The following DOCK3 variants were observed in gnomAD, a reference collection of about 807,000 sequenced individuals.
DOCK3 encodes the protein dedicator of cytokinesis protein 3.
Under a neutral mutation model 265.6 loss-of-function variants are expected in DOCK3, and 60 were observed. That is an observed-to-expected ratio of 0.23 (90% CI 0.18 to 0.28). The LOEUF is 0.28. Among genes scored for constraint, DOCK3 ranks in the 10% least tolerant of loss-of-function variants. The probability of loss-of-function intolerance (pLI) is 1.00; values close to 1 mark genes in which losing one functional copy is unlikely to be tolerated. For missense variants in DOCK3, 1,981 were observed against 2,594.3 expected, an observed-to-expected ratio of 0.76 and a Z score of 5.14; for synonymous variants, 881 against 938.0, an observed-to-expected ratio of 0.94 and a Z score of 1.11.
intron 9 of DOCK3, among the ~76,000 whole-genome samples, chr3:51,090,671 C>T (rs1328462446): frequency 6.6e-6 from 1 of 152,038 alleles, no homozygotes. Context: ...TTTAATACCA[C>T]AAAAAAGGCA....
chr3:51,343,249 C>T lies in DOCK3; in HGVS notation c.3915+1864C>T, dbSNP rs145184629. ...GTGAGTTTCTAGCTCTCAACACTGC[C>T]AGCACACCCTGCCTCACAAGGCAAG... On this transcript the variant is annotated intron_variant, in intron 38 of 52. Transcript: ENST00000266037. 3.3e-5 allele frequency among the ~76,000 whole-genome samples: 5 copies of T among 152,260 alleles called. No homozygotes were observed. In the East Asian group the frequency reaches 7.7e-4, roughly 23 times the overall value.
At chr3:51,149,199 A>G (rs927459247) in intron 10 of DOCK3, among the ~76,000 whole-genome samples, 7 of 152,140 alleles carry the variant, frequency 4.6e-5, no homozygotes, top group Admixed American at 3.9e-4. Flanking sequence ...TGTGTCCTGA[A>G]ACTTTGCTGA....
Position 51,064,535 on chromosome 3 carries a change from A to G in DOCK3, c.403A>G (p.Thr135Ala), listed in dbSNP as rs2081524394. ...AAGGCAGCTACTGTCTGGTCACCTGACTCAGGATCAGGTGCGGGAGGTTAA... is the reference window on the plus strand; with the variant it reads ...AAGGCAGCTACTGTCTGGTCACCTGGCTCAGGATCAGGTGCGGGAGGTTAA... Reference protein sequence around the residue: ...LRRQLLSGHLTQDQVREVKRH... With the variant: ...LRRQLLSGHLAQDQVREVKRH... The change falls in exon 6 of 53, where the codon ACT becomes GCT. Residue 135 changes from threonine (T) to alanine (A), a missense_variant. Around this residue, in one of 4 missense-constraint regions of DOCK3, gnomAD observed 456 missense variants for 539.0 expected, o/e 0.85. Coordinates refer to ENST00000266037, the MANE Select transcript of DOCK3 (RefSeq NM_004947.5). 7 of 1,613,794 alleles carry G rather than the reference A, an allele frequency of 4.3e-6. No individual in the cohort carries two copies. In the Admixed American group the frequency reaches 1.2e-4, roughly 27 times the overall value.
At chr3:51,102,573 A>G (rs1404897543) in intron 9 of DOCK3, among the ~76,000 whole-genome samples, 1 of 152,242 alleles carries the variant, frequency 6.6e-6, no homozygotes, top group Non-Finnish European at 1.5e-5. Flanking sequence ...CTTGCTGTCC[A>G]TGGAGTAAGC....
chr3:51,136,808 T>G (rs2084827754), intron 9 of DOCK3, among the ~76,000 whole-genome samples: 1 of 152,162 alleles, frequency 6.6e-6, no homozygotes, highest in Admixed American at 6.6e-5. Flanking sequence ...GGAGAACTGG[T>G]GGTCAGAGTG....
chr3:51,322,428 C>G (rs2083796023), intron 32 of DOCK3, among the ~76,000 whole-genome samples: 1 of 152,166 alleles, frequency 6.6e-6, no homozygotes, highest in African/African-American at 2.4e-5. Context: ...TGGTCTCAAT[C>G]TCCTGACCTC....
At chr3:51,220,582 G>A (rs932064771) in intron 14 of DOCK3, among the ~76,000 whole-genome samples, 7 of 150,212 alleles carry the variant, frequency 4.7e-5, no homozygotes, top group African/African-American at 7.3e-5. Context: ...GCTTGAACCC[G>A]GTAGGTGGAG....
chr3:51,131,157 G>T (rs1236726951), intron 9 of DOCK3, among the ~76,000 whole-genome samples: 1 of 152,104 alleles, frequency 6.6e-6, no homozygotes, highest in Non-Finnish European at 1.5e-5. Context: ...TGCCAATTAC[G>T]CATTCAGGCA....
intron 12 of DOCK3, among the ~76,000 whole-genome samples, chr3:51,161,271 T>C (rs1379051008): frequency 5.0e-4 from 75 of 151,304 alleles, no homozygotes; most frequent in Admixed American, 2.8e-3. Flanking sequence ...AGTGAAACCC[T>C]GTCTCTACTA....
intron 27 of DOCK3, among the ~76,000 whole-genome samples, chr3:51,302,514 T>C (rs1019940340): frequency 1.1e-4 from 16 of 152,208 alleles, no homozygotes; most frequent in African/African-American, 3.9e-4. Context: ...AGTTGCTTCA[T>C]AGTGTCATTG....
intron 1 of DOCK3, among the ~76,000 whole-genome samples, chr3:50,740,332 A>G (rs969940311): frequency 6.6e-6 from 1 of 152,210 alleles, no homozygotes; most frequent in Non-Finnish European, 1.5e-5. Flanking sequence ...GTGAACACCC[A>G]TGAATCAATC....
At chr3:50,680,148 A>G (rs1279982810) in intron 1 of DOCK3, among the ~76,000 whole-genome samples, 2 of 152,102 alleles carry the variant, frequency 1.3e-5, no homozygotes, top group Non-Finnish European at 2.9e-5. Flanking sequence ...GCAGTTTTCA[A>G]TTTAAACTGG....
Position 50,794,463 on chromosome 3 carries a change from T to C in DOCK3, c.121+15705T>C, listed in dbSNP as rs2042657157. 2.6e-5 allele frequency among the ~76,000 whole-genome samples: 4 copies of C among 152,240 alleles called. No homozygotes were observed. The South Asian group carries it at 8.3e-4, about 32-fold the overall frequency. ...AGGATAGTTAAGTCTTCTCGTTGAA[T>C]TGAATCCTTTACCATTATGTAATGC... On this transcript the variant is annotated intron_variant, in intron 2 of 52. Transcript: ENST00000266037.
At chr3:51,324,282 C>A (rs2083939536) in intron 32 of DOCK3, among the ~76,000 whole-genome samples, 1 of 152,178 alleles carries the variant, frequency 6.6e-6, no homozygotes, top group African/African-American at 2.4e-5. Context: ...ACACCAATAA[C>A]AGACAAACAG....
At chr3:51,068,213 A>G (rs1034274477) in intron 6 of DOCK3, among the ~76,000 whole-genome samples, 3 of 152,204 alleles carry the variant, frequency 2.0e-5, no homozygotes, top group Admixed American at 6.5e-5. Context: ...TGGCAAGTAC[A>G]TGGTCTCACT....
chr3:51,350,638 T>C (rs2085913995), intron 40 of DOCK3, among the ~76,000 whole-genome samples: 2 of 152,198 alleles, frequency 1.3e-5, no homozygotes, highest in African/African-American at 4.8e-5. Context: ...ACTAAATCAA[T>C]GGAGTTTCTT....
At chr3:50,709,357 T>C (rs2036610207) in intron 1 of DOCK3, among the ~76,000 whole-genome samples, 1 of 152,204 alleles carries the variant, frequency 6.6e-6, no homozygotes, top group South Asian at 2.1e-4. Context: ...TACTTTTACT[T>C]CTTTCTTTCC....
chr3:50,787,836 T>C (rs1676053024), intron 2 of DOCK3: 2 of 1,116,728 alleles, frequency 1.8e-6, no homozygotes, highest in Admixed American at 3.5e-5. Context: ...CCTCATTGTT[T>C]AAGAACAGGA....
At chr3:51,364,602 G>T (rs1303511082) in intron 49 of DOCK3, among the ~76,000 whole-genome samples, 1 of 152,158 alleles carries the variant, frequency 6.6e-6, no homozygotes, top group African/African-American at 2.4e-5. Context: ...TTCTTCTGGG[G>T]TTTTTATGGT....
Sources: allele counts gnomAD v4.1 joint callset (sites outside exome capture counted in the v4.1 genomes callset), GRCh38; gene constraint gnomAD v4.1.1; regional missense constraint gnomAD v4.1.1; transcripts MANE v1.5; gene names NCBI Gene and HGNC (gene_info 2026-07-23, HGNC 2026-07-21).